Variants in CALN1 observed in about 807,000 individuals in gnomAD.
CALN1 encodes calcium-binding protein 8.
A neutral mutation model predicts 30.6 loss-of-function variants in CALN1; 17 were observed. The observed-to-expected ratio is 0.56, with a 90% CI of 0.38 to 0.83. The LOEUF (loss-of-function observed/expected upper bound fraction) is 0.83, where lower values mean the gene tolerates loss of function less well. CALN1 is among the 40% of genes least tolerant of loss of function. The pLI is 0.00. For missense variants in CALN1, 291 were observed against 354.9 expected, an observed-to-expected ratio of 0.82 and a Z score of 1.45; for synonymous variants, 156 against 131.4, an observed-to-expected ratio of 1.19 and a Z score of -1.28.
At chr7:72,240,112 C>T (rs1177401927) in intron 3 of CALN1, among the ~76,000 whole-genome samples, 1 of 152,106 alleles carries the variant, frequency 6.6e-6, no homozygotes, top group African/African-American at 2.4e-5. Context: ...TGAAGAGAGA[C>T]TCCAGGAGTG....
intron 2 of CALN1, among the ~76,000 whole-genome samples, chr7:72,402,945 G>A (rs1585671287): frequency 6.6e-6 from 1 of 152,276 alleles, no homozygotes; most frequent in African/African-American, 2.4e-5. Flanking sequence ...CCATTTTTAT[G>A]CTAGTACATA....
intron 2 of CALN1, among the ~76,000 whole-genome samples, chr7:72,400,054 C>G (rs935448347): frequency 4.6e-5 from 7 of 152,206 alleles, no homozygotes; most frequent in Admixed American, 6.5e-5. Flanking sequence ...CCTTCTTGTA[C>G]AGTCTGCAGA....
At chr7:72,020,010 A>G (rs532941352) in intron 5 of CALN1, among the ~76,000 whole-genome samples, 62 of 152,282 alleles carry the variant, frequency 4.1e-4, no homozygotes, top group Admixed American at 7.2e-4. Context: ...CCTAAGATCA[A>G]TATCTTCTGC....
At chr7:72,015,778 A>G (rs1467565298) in intron 5 of CALN1, among the ~76,000 whole-genome samples, 1 of 152,108 alleles carries the variant, frequency 6.6e-6, no homozygotes, top group African/African-American at 2.4e-5. Flanking sequence ...AGGTATTACT[A>G]ATGCTGCTGG....
At chr7:72,374,121 G>A (rs1397351276) in intron 2 of CALN1, among the ~76,000 whole-genome samples, 1 of 152,190 alleles carries the variant, frequency 6.6e-6, no homozygotes. Context: ...GCTAAACGAG[G>A]TTTTTCAGAC....
chr7:72,045,996 CAAAAAAAAA>C (rs34011098), intron 4 of CALN1, among the ~76,000 whole-genome samples: 1 of 90,756 alleles, frequency 1.1e-5, no homozygotes, highest in African/African-American at 4.1e-5. Context: ...GACTCCCTCT[CAAAAAAAAA>C]AAAAAAAAAA....
Position 72,115,828 on chromosome 7 carries a change from T to A in CALN1, c.245-9534A>T, listed in dbSNP as rs187569184. 1.8e-3 allele frequency among the ~76,000 whole-genome samples: 267 copies of A among 152,000 alleles called. 3 individuals are homozygous for A. In the Middle Eastern group the frequency reaches 0.024, roughly 14 times the overall value. ...TTTCCATCCCCCACCTTCTCTCCCC[T>A]CCTTCCTTACCTCTGGTAACCAGCA... is the stretch of plus-strand genomic sequence containing the variant. On this transcript the variant is annotated intron_variant, in intron 3 of 6. Coordinates refer to ENST00000395275, the MANE Select transcript of CALN1 (RefSeq NM_031468.4).
chr7:72,250,322 T>C (rs912574553), intron 3 of CALN1, among the ~76,000 whole-genome samples: 3 of 152,176 alleles, frequency 2.0e-5, no homozygotes, highest in African/African-American at 7.2e-5. Context: ...CTGTGTGACC[T>C]TGAGGCAGTC....
intron 2 of CALN1, among the ~76,000 whole-genome samples, chr7:72,387,587 G>A (rs1805312242): frequency 6.6e-6 from 1 of 152,044 alleles, no homozygotes; most frequent in African/African-American, 2.4e-5. Flanking sequence ...TCCCCTCTGT[G>A]ATCTTCCTCC....
intron 3 of CALN1, among the ~76,000 whole-genome samples, chr7:72,214,480 GA>G (rs901441584): frequency 6.7e-6 from 1 of 149,580 alleles, no homozygotes; most frequent in Admixed American, 6.7e-5. Flanking sequence ...CTCCATCTCA[GA>G]AAAAAAAAGA....
chr7:72,061,401 A>G (rs1437472770), intron 4 of CALN1, among the ~76,000 whole-genome samples: 1 of 152,108 alleles, frequency 6.6e-6, no homozygotes, highest in Non-Finnish European at 1.5e-5. Context: ...AGAGGTTTTT[A>G]TCTTTTTCTA....
intron 2 of CALN1, among the ~76,000 whole-genome samples, chr7:72,282,261 T>C (rs1797777570): frequency 1.3e-5 from 2 of 152,230 alleles, no homozygotes; most frequent in African/African-American, 2.4e-5. Context: ...TGGATCCTTC[T>C]ATAGAGAGCA....
chr7:72,415,879 T>C (rs1170753841), upstream of CALN1, among the ~76,000 whole-genome samples: 1 of 152,216 alleles, frequency 6.6e-6, no homozygotes, highest in African/African-American at 2.4e-5. Context: ...CTTTGGCCAG[T>C]GCCCACCCAG....
chr7:72,330,082 CAG>C, intron 2 of CALN1, among the ~76,000 whole-genome samples: 1 of 151,964 alleles, frequency 6.6e-6, no homozygotes, highest in Non-Finnish European at 1.5e-5. Flanking sequence ...CCTGAGGTGT[CAG>C]GAGTTCAAGA....
At chr7:71,931,882 G>C (rs1795573791) in intron 5 of CALN1, among the ~76,000 whole-genome samples, 1 of 152,174 alleles carries the variant, frequency 6.6e-6, no homozygotes, top group Non-Finnish European at 1.5e-5. Context: ...TTGCAGCAAG[G>C]GGTCTGCCAG....
intron 2 of CALN1, among the ~76,000 whole-genome samples, chr7:72,385,324 A>G (rs972355807): frequency 6.6e-6 from 1 of 152,212 alleles, no homozygotes; most frequent in African/African-American, 2.4e-5. Context: ...TGAAAACACT[A>G]TGTCCACACA....
At position 72,285,953 on chromosome 7, in the gene CALN1, C is replaced by T. The variant is rs187236451; in HGVS notation, c.120-7143G>A. ...GGTTAAAGAGCCTAACCAGTCCTGA[C>T]ACAGCCTTTGCCAAATTCCTGTAAA... On this transcript the variant is annotated intron_variant, in intron 2 of 6. Transcript: ENST00000395275. 7.9e-5 allele frequency among the ~76,000 whole-genome samples: 12 copies of T among 152,288 alleles called. No homozygotes were observed. In the East Asian group the frequency reaches 2.3e-3, roughly 29 times the overall value.
chr7:72,180,927 A>C (rs1789735296), intron 3 of CALN1, among the ~76,000 whole-genome samples: 2 of 151,834 alleles, frequency 1.3e-5, no homozygotes, highest in South Asian at 4.2e-4. Context: ...GTGAAACCCC[A>C]TCTCTTCTAA....
intron 2 of CALN1, among the ~76,000 whole-genome samples, chr7:72,301,472 G>T (rs1018177633): frequency 6.6e-6 from 1 of 151,980 alleles, no homozygotes; most frequent in Non-Finnish European, 1.5e-5. Flanking sequence ...GCCTGGCTTG[G>T]TGGCGCATGC....
Sources: gnomAD v4.1 joint callset for allele counts (sites outside exome capture counted in the v4.1 genomes callset) on GRCh38, gnomAD v4.1.1 for gene constraint, MANE v1.5 for transcripts, NCBI Gene and HGNC (gene_info 2026-07-23, HGNC 2026-07-21) for gene names.